The following CPNE4 variants were observed in gnomAD, a reference collection of about 807,000 sequenced individuals.
The protein encoded by CPNE4 is copine 4.
A neutral mutation model predicts 67.9 loss-of-function variants in CPNE4; 25 were observed. That is an observed-to-expected ratio of 0.37 (90% CI 0.27 to 0.51). The LOEUF is 0.51. Ranked by LOEUF, CPNE4 falls within the 20% of genes least tolerant of loss-of-function variation. CPNE4 has a pLI of 0.93. For synonymous variants in CPNE4, 242 were observed against 244.9 expected (o/e 0.99, Z 0.11); for missense variants, 464 against 690.8 (o/e 0.67, Z 3.68).
At chr3:131,838,394 G>T (rs914989291) in intron 2 of CPNE4, among the ~76,000 whole-genome samples, 5 of 151,854 alleles carry the variant, frequency 3.3e-5, no homozygotes, top group African/African-American at 1.2e-4. Flanking sequence ...ACAGAGAACA[G>T]AGAAAATTCA....
chr3:131,867,005 C>T (rs2086980272), intron 2 of CPNE4, among the ~76,000 whole-genome samples: 1 of 152,156 alleles, frequency 6.6e-6, no homozygotes, highest in Non-Finnish European at 1.5e-5. Flanking sequence ...CACCACCTGG[C>T]ATTAAAACAA....
intron 2 of CPNE4, among the ~76,000 whole-genome samples, chr3:131,727,198 C>T (rs1183571567): frequency 1.3e-5 from 2 of 152,290 alleles, no homozygotes; most frequent in African/African-American, 2.4e-5. Context: ...CTACTTTCCT[C>T]AATTCATGAG....
intron 2 of CPNE4, among the ~76,000 whole-genome samples, chr3:131,773,204 A>C (rs570971960): frequency 4.6e-5 from 7 of 152,286 alleles, no homozygotes; most frequent in Non-Finnish European, 1.0e-4. Flanking sequence ...CAGCATTTTC[A>C]TATTTGTAGA....
At chr3:131,979,491 A>AAAG (rs144736348) in intron 1 of CPNE4, among the ~76,000 whole-genome samples, 27,648 of 151,942 alleles carry the variant, frequency 0.18, 4,748 homozygotes, top group African/African-American at 0.46. Context: ...TTGTCTGATA[A>AAAG]AATAGCTACT....
chr3:131,820,070 A>T (rs955123013), intron 2 of CPNE4, among the ~76,000 whole-genome samples: 1 of 152,198 alleles, frequency 6.6e-6, no homozygotes, highest in Non-Finnish European at 1.5e-5. Context: ...ATTTGTTACA[A>T]TGGGAAAAAT....
intron 2 of CPNE4, among the ~76,000 whole-genome samples, chr3:131,883,291 C>A (rs992052181): frequency 6.6e-6 from 1 of 152,134 alleles, no homozygotes; most frequent in African/African-American, 2.4e-5. Flanking sequence ...CATCATTCAC[C>A]CAATTGCTCA....
intron 2 of CPNE4, among the ~76,000 whole-genome samples, chr3:131,835,787 G>A (rs2085533351): frequency 6.6e-6 from 1 of 152,108 alleles, no homozygotes; most frequent in African/African-American, 2.4e-5. Flanking sequence ...GGTGGCACAT[G>A]TCAATGAAGA....
chr3:132,033,548 C>G (rs555421604), intron 1 of CPNE4, among the ~76,000 whole-genome samples: 1 of 152,174 alleles, frequency 6.6e-6, no homozygotes, highest in South Asian at 2.1e-4. Context: ...CCACCCACAT[C>G]AAGCCCTTCA....
At chr3:131,538,625 C>T (rs1935305303) in intron 15 of CPNE4, among the ~76,000 whole-genome samples, 1 of 152,122 alleles carries the variant, frequency 6.6e-6, no homozygotes. Flanking sequence ...AATAACTTGC[C>T]CAGAGTCACA....
chr3:131,623,298 T>C (rs577193202), intron 7 of CPNE4, among the ~76,000 whole-genome samples: 6 of 152,168 alleles, frequency 3.9e-5, no homozygotes, highest in Non-Finnish European at 7.3e-5. Context: ...ATGAAATCCT[T>C]CATTGGGTGA....
chr3:131,865,453 C>T (rs2086901092), intron 2 of CPNE4, among the ~76,000 whole-genome samples: 1 of 152,148 alleles, frequency 6.6e-6, no homozygotes, highest in Non-Finnish European at 1.5e-5. Context: ...AAAGACCCCT[C>T]CCAAATCTCG....
intron 8 of CPNE4, among the ~76,000 whole-genome samples, chr3:131,582,435 C>A (rs1937898541): frequency 6.6e-6 from 1 of 152,118 alleles, no homozygotes; most frequent in Non-Finnish European, 1.5e-5. Flanking sequence ...TGTTCCTGCC[C>A]ACCAACCTAT....
chr3:132,021,260 T>G (rs143263636), intron 1 of CPNE4, among the ~76,000 whole-genome samples: 136 of 152,338 alleles, frequency 8.9e-4, no homozygotes, highest in African/African-American at 3.1e-3. Context: ...CCATAAGTCA[T>G]TCATCTAGAA....
intron 1 of CPNE4, among the ~76,000 whole-genome samples, chr3:131,970,409 T>C (rs145955680): frequency 2.4e-4 from 36 of 152,348 alleles, no homozygotes; most frequent in African/African-American, 7.0e-4. Context: ...AAATATTAGC[T>C]CTTTTTCCCC....
At chr3:131,797,698 C>T (rs1160604341) in intron 2 of CPNE4, among the ~76,000 whole-genome samples, 1 of 152,140 alleles carries the variant, frequency 6.6e-6, no homozygotes, top group Non-Finnish European at 1.5e-5. Flanking sequence ...GGTTGGTAAT[C>T]GTGCACTAAC....
intron 7 of CPNE4, among the ~76,000 whole-genome samples, chr3:131,626,388 G>T (rs1399403454): frequency 1.3e-5 from 2 of 152,192 alleles, no homozygotes; most frequent in East Asian, 3.8e-4. Context: ...CATATCAATG[G>T]TAAGAAAGCA....
intron 2 of CPNE4, among the ~76,000 whole-genome samples, chr3:131,821,735 A>G (rs769248298): frequency 1.3e-5 from 2 of 152,174 alleles, no homozygotes; most frequent in Non-Finnish European, 2.9e-5. Flanking sequence ...CACACATATA[A>G]CTGCAGTTTA....
At chr3:131,689,715 G>A (rs9865298) in intron 5 of CPNE4, among the ~76,000 whole-genome samples, 44,417 of 152,062 alleles carry the variant, frequency 0.29, 6,732 homozygotes, top group Middle Eastern at 0.33. Flanking sequence ...GTCCTCGCCA[G>A]AGCACTCAAG....
chr3:131,968,583 G>A (rs879605665), intron 1 of CPNE4, among the ~76,000 whole-genome samples: 11 of 152,080 alleles, frequency 7.2e-5, no homozygotes, highest in Non-Finnish European at 1.3e-4. Context: ...ACATTTATGC[G>A]ACCAACAAAC....
Sources: allele counts gnomAD v4.1 joint callset (sites outside exome capture counted in the v4.1 genomes callset), GRCh38; gene constraint gnomAD v4.1.1; transcripts MANE v1.5; gene names NCBI Gene and HGNC (gene_info 2026-07-23, HGNC 2026-07-21).